CDH17: variants seen among roughly 807,000 people sequenced by gnomAD.
The protein encoded by CDH17 is cadherin-17.
A neutral mutation model predicts 86.3 loss-of-function variants in CDH17; 67 were observed. The observed-to-expected ratio is 0.78, with a 90% CI of 0.64 to 0.95. CDH17 has a LOEUF of 0.95. CDH17 is among the 40% of genes least tolerant of loss of function. The pLI is 0.00. For missense variants in CDH17, 993 were observed against 1,017.6 expected (o/e 0.98, Z 0.33); for synonymous variants, 367 against 366.4 (o/e 1.00, Z -0.02).
At chr8:94,212,813 G>C (rs552178564), upstream of CDH17, among the ~76,000 whole-genome samples, 1 of 152,208 alleles carries the variant, frequency 6.6e-6, no homozygotes, top group Admixed American at 6.5e-5. Flanking sequence ...TGCCCAGCAG[G>C]CGGGGCCCTC....
intron 1 of CDH17, among the ~76,000 whole-genome samples, chr8:94,208,153 T>C (rs927348414): frequency 1.3e-5 from 2 of 152,186 alleles, no homozygotes; most frequent in East Asian, 1.9e-4. Context: ...GACTTTTATA[T>C]ACTCATCACA....
At chr8:94,146,415 CAGA>C (rs1275278833) in intron 14 of CDH17, among the ~76,000 whole-genome samples, 1 of 152,200 alleles carries the variant, frequency 6.6e-6, no homozygotes, top group African/African-American at 2.4e-5. Context: ...AAACTGAGCT[CAGA>C]AGTTGTGTAA....
Position 94,128,347 on chromosome 8 carries a change from GAAA to G in CDH17, c.2399-10_2399-8del. The G allele has an allele frequency of 6.4e-7, 1 of 1,559,018 alleles. No homozygotes were observed. The highest frequency in any genetic ancestry group is 1.4e-5 in the African/African-American group (1 of 73,792). ...ACAACTGCTAAAATTATACCTAAAA[GAAA>G]AAACCCAGGGTCAAATAAATGGGAC... On this transcript the variant is annotated splice_polypyrimidine_tract_variant and splice_region_variant and intron_variant, in intron 17 of 17. Coordinates refer to ENST00000027335, the MANE Select transcript of CDH17 (RefSeq NM_004063.4).
intron 17 of CDH17, among the ~76,000 whole-genome samples, chr8:94,128,760 A>C (rs2130560237): frequency 6.6e-6 from 1 of 152,258 alleles, no homozygotes; most frequent in East Asian, 1.9e-4. Context: ...CACAACTAGA[A>C]AGCTGTTCTC....
intron 3 of CDH17, 144 bp downstream of exon 3, chr8:94,189,043 G>A (rs1214701760): frequency 6.0e-6 from 4 of 664,780 alleles, no homozygotes; most frequent in African/African-American, 3.7e-5. Flanking sequence ...TCATCTCTCT[G>A]TTTAACTTAG....
At position 94,159,993 on chromosome 8, in the gene CDH17, G is replaced by A. The variant is rs375223305; in HGVS notation, c.1529C>T (p.Thr510Ile). Residue 510 changes from threonine (T) to isoleucine (I), a missense_variant, in exon 12 of 18, where the codon ACC becomes ATC. Thr to Ile is a moderately conservative substitution (Grantham distance 89). Coordinates refer to ENST00000027335, the MANE Select transcript of CDH17 (RefSeq NM_004063.4). ...LGVDTDPHTN[T>I]GYVIIKKPLD... Reference sequence around the variant, plus strand: ...TACCTTTTTAATTATGACATATCCGGTGTTGGTATGGGGATCTGTGTCAAC... The same window carrying A: ...TACCTTTTTAATTATGACATATCCGATGTTGGTATGGGGATCTGTGTCAAC... 8 of 1,609,134 alleles carry A rather than the reference G, an allele frequency of 5.0e-6. No homozygotes were observed. The highest frequency in any genetic ancestry group is 6.8e-6 in the Non-Finnish European group (8 of 1,178,254).
chr8:94,170,758 T>A, intron 8 of CDH17, 96 bp downstream of exon 8: 2 of 1,452,558 alleles, frequency 1.4e-6, no homozygotes, highest in South Asian at 2.8e-5. Context: ...AAATGTGTGT[T>A]TTTTTTTTCT....
At chr8:94,166,846 A>G (rs1328100822) in intron 9 of CDH17, among the ~76,000 whole-genome samples, 1 of 152,136 alleles carries the variant, frequency 6.6e-6, no homozygotes, top group Non-Finnish European at 1.5e-5. Flanking sequence ...CCAGATGCCA[A>G]CAGAAGCCGG....
At chr8:94,190,524 C>T (rs1481880912) in intron 2 of CDH17, among the ~76,000 whole-genome samples, 1 of 152,228 alleles carries the variant, frequency 6.6e-6, no homozygotes, top group Non-Finnish European at 1.5e-5. Context: ...CATCCCCACG[C>T]TGGCCTTCTC....
intron 1 of CDH17, among the ~76,000 whole-genome samples, chr8:94,214,928 ATTTCATACCCACCAGGGTG>A (rs906238558): frequency 7.2e-5 from 11 of 152,206 alleles, no homozygotes; most frequent in Admixed American, 4.6e-4. Flanking sequence ...ATAAGATGGC[ATTTCATACCCACCAGGGTG>A]TTTCATACCC....
At chr8:94,152,548 C>A (rs1187541568) in intron 12 of CDH17, among the ~76,000 whole-genome samples, 1 of 152,194 alleles carries the variant, frequency 6.6e-6, no homozygotes, top group Non-Finnish European at 1.5e-5. Flanking sequence ...TAGGCACCCA[C>A]CACCACACCC....
In CDH17 at chr8:94,170,441, G is replaced by A. The variant is rs372617324; in HGVS notation, c.1022C>T (p.Pro341Leu). 1.4e-5 allele frequency: 23 copies of A among 1,613,738 alleles called. No homozygotes were observed. In the African/African-American group the frequency reaches 2.1e-4, roughly 15 times the overall value. The change falls in exon 9 of 18, where the codon CCG becomes CTG. Residue 341 changes from proline (P) to leucine (L), a missense_variant. Coordinates refer to ENST00000027335, the MANE Select transcript of CDH17 (RefSeq NM_004063.4). ...GACCTCAAATACGGTTACTGGTGAC[G>A]GACATGTAGGTGGATTATCATTAAT... ...KDINDNPPTC[P>L]SPVTVFEVQE...
Position 94,173,906 on chromosome 8 carries a change from C to T in CDH17, c.674G>A (p.Ser225Asn), listed in dbSNP as rs544568120. Residue 225 changes from serine (S) to asparagine (N), a missense_variant, in exon 7 of 18, where the codon AGT (serine) becomes AAT (asparagine). By Grantham distance (46) the Ser-to-Asn change is conservative (BLOSUM62 1). Transcript: ENST00000027335. ...DMGGQSENSFSDTTSVDIIVT... is the reference protein window; with the variant it reads ...DMGGQSENSFNDTTSVDIIVT... ...TATGATATCCACAGATGTGGTATCA[C>T]TGAAGGAATTCTCACTCTGGCCTCC... The T allele has an allele frequency of 1.9e-6, 3 of 1,613,016 alleles. No homozygotes were observed. The highest frequency in any genetic ancestry group is 1.7e-5 in the Admixed American group (1 of 60,006).
At chr8:94,205,461 AGAG>A (rs1304188316) in intron 1 of CDH17, among the ~76,000 whole-genome samples, 2 of 152,006 alleles carry the variant, frequency 1.3e-5, no homozygotes, top group African/African-American at 2.4e-5. Flanking sequence ...AAGAAAGAAA[AGAG>A]AAGAGAAGAG....
chr8:94,184,961 G>A (rs530844859), intron 3 of CDH17, among the ~76,000 whole-genome samples: 211 of 152,240 alleles, frequency 1.4e-3, no homozygotes, highest in Non-Finnish European at 2.1e-3. Flanking sequence ...GAGAGGATCT[G>A]TACACCTACC....
chr8:94,190,834 G>T (rs1384043341), intron 2 of CDH17, among the ~76,000 whole-genome samples: 1 of 152,190 alleles, frequency 6.6e-6, no homozygotes, highest in Admixed American at 6.5e-5. Context: ...TCAGAGAAAG[G>T]TCTTATGCTA....
At position 94,215,860 on chromosome 8, in the gene CDH17, G is replaced by GA. The variant is rs1404896059; in HGVS notation, c.-21+1337dup. ...ATCATTTATTTTCCTTTAAGTATAC[G>GA]AGGTTTTTTTTTTTTTTTTAACTAA... On this transcript the variant is annotated intron_variant, in intron 1 of 17. Transcript: ENST00000450165. Among the ~76,000 whole-genome samples, 6 of 132,750 alleles carry GA rather than the reference G, an allele frequency of 4.5e-5. No individual in the cohort carries two copies. The East Asian group carries it at 1.3e-3, about 28-fold the overall frequency. The allele number at this position is 132,750 out of a possible 152,430, so 87.1% of individuals were successfully genotyped here. A position where few individuals can be genotyped will look rare whatever the true frequency, so the allele number is the denominator to read the frequency against.
At chr8:94,139,256 A>G (rs1310081056) in intron 15 of CDH17, among the ~76,000 whole-genome samples, 1 of 152,170 alleles carries the variant, frequency 6.6e-6, no homozygotes, top group Non-Finnish European at 1.5e-5. Flanking sequence ...ATAGCAGGAA[A>G]AAACAGTAAA....
At chr8:94,191,990 T>C (rs1459285035) in intron 2 of CDH17, among the ~76,000 whole-genome samples, 1 of 152,204 alleles carries the variant, frequency 6.6e-6, no homozygotes. Flanking sequence ...AGCTGCTGCT[T>C]ATCAGCTTTG....
Sources: allele counts gnomAD v4.1 joint callset (sites outside exome capture counted in the v4.1 genomes callset), GRCh38; gene constraint gnomAD v4.1.1; transcripts MANE v1.5; gene names NCBI Gene and HGNC (gene_info 2026-07-23, HGNC 2026-07-21).